The following SYT7 variants were observed in gnomAD, a reference collection of about 807,000 sequenced individuals.
SYT7 encodes the protein synaptotagmin-7.
Under a neutral mutation model 75.1 loss-of-function variants are expected in SYT7, and 29 were observed. The ratio of observed to expected loss-of-function variants is 0.39; its 90% CI spans 0.29 to 0.53. The LOEUF (loss-of-function observed/expected upper bound fraction) is 0.53, where lower values mean the gene tolerates loss of function less well. Among genes scored for constraint, SYT7 ranks in the 20% least tolerant of loss-of-function variants. SYT7 has a pLI of 0.77. For missense variants in SYT7, 693 were observed against 953.2 expected, an observed-to-expected ratio of 0.73 and a Z score of 3.59; for synonymous variants, 376 against 401.7, an observed-to-expected ratio of 0.94 and a Z score of 0.76.
In SYT7 at chr11:61,524,600, A is replaced by C; in HGVS notation, c.1472-68T>G. 6.7e-7 allele frequency: 1 copy of C among 1,490,324 alleles called. No individual in the cohort carries two copies. Among genetic ancestry groups the C allele is most frequent in the Non-Finnish European group, 9.0e-7 (1 of 1,110,234 alleles). 92.3% of individuals were successfully genotyped at this position (1,490,324 alleles called of 1,614,324 possible). On this transcript the variant is annotated intron_variant, in intron 9 of 12. Transcript: ENST00000539008. The surrounding 1 kb of genome is among the most constrained non-coding windows in gnomAD (Gnocchi z 4.1). ...GCTGCACGGGGCCCGGGAGGCAAGG[A>C]AGGCCCTGGGAAGAGGAGGCAGGCC...
At chr11:61,558,487 CACACACACACACACACAT>C (rs909651471) in intron 1 of SYT7, among the ~76,000 whole-genome samples, 5 of 139,864 alleles carry the variant, frequency 3.6e-5, no homozygotes, top group South Asian at 2.3e-4. Flanking sequence ...TATATATATA[CACACACACACACACACAT>C]ACACACACAC....
At chr11:61,538,085 G>A (rs1298618243) in intron 7 of SYT7, 59 bp downstream of exon 7, 59 of 1,527,688 alleles carry the variant, frequency 3.9e-5, no homozygotes, top group East Asian at 1.5e-4. Flanking sequence ...CGAGGCAGGC[G>A]GCCTCTCCGC....
chr11:61,550,456 G>A (rs1434308439), intron 3 of SYT7, among the ~76,000 whole-genome samples: 1 of 152,156 alleles, frequency 6.6e-6, no homozygotes, highest in African/African-American at 2.4e-5. Flanking sequence ...GGGGGAGGGT[G>A]GCTGGGCCTT....
chr11:61,543,047 C>T (rs1238005545), intron 5 of SYT7, among the ~76,000 whole-genome samples: 1 of 152,180 alleles, frequency 6.6e-6, no homozygotes, highest in Non-Finnish European at 1.5e-5. Context: ...TACTGGCATC[C>T]TTTGGAGACA....
Position 61,518,476 on chromosome 11 carries a change from G to A in SYT7, c.*151C>T, listed in dbSNP as rs1459684272. On this transcript the variant is annotated 3_prime_UTR_variant, in exon 13 of 13. Coordinates refer to ENST00000539008, the MANE Select transcript of SYT7 (RefSeq NM_001365809.2). The stretch of plus-strand genomic sequence containing the variant: ...GGGGCTGGTACTTCCTAGAAACGGG[G>A]CCCAGTTGAGTCCTGGGACCCCTCC... 2 of 502,286 alleles carry A rather than the reference G, an allele frequency of 4.0e-6. No homozygotes were observed. The highest frequency in any genetic ancestry group is 6.7e-5 in the South Asian group (2 of 29,832). 31.1% of individuals were successfully genotyped at this position (502,286 alleles called of 1,614,324 possible).
chr11:61,531,460 G>C (rs192017412), intron 8 of SYT7, among the ~76,000 whole-genome samples: 1,908 of 152,236 alleles, frequency 0.013, 36 homozygotes, highest in Non-Finnish European at 0.014. Flanking sequence ...GTCTTCCTGG[G>C]GGGGGGAAGA....
intron 1 of SYT7, among the ~76,000 whole-genome samples, chr11:61,570,133 G>C (rs987171524): frequency 1.3e-5 from 2 of 152,264 alleles, no homozygotes; most frequent in Non-Finnish European, 2.9e-5. Flanking sequence ...AGAGGAAACA[G>C]TGCCTGTCCA....
rs539423095 is a variant in SYT7, at chr11:61,567,331, A to G, written c.32-11124T>C. 1.0e-4 allele frequency among the ~76,000 whole-genome samples: 15 copies of G among 145,168 alleles called. No homozygotes were observed. The East Asian group carries it at 2.9e-3, about 28-fold the overall frequency. On this transcript the variant is annotated intron_variant, in intron 1 of 12. Transcript: ENST00000539008. ...ACACGGCAAATATTAGGATGGAGCC[A>G]TTGAGCGCCCCGCCCCCCAGAGCTG...
Position 61,546,277 on chromosome 11 carries a change from C to G in SYT7, c.348-22G>C, listed in dbSNP as rs2063186077. On this transcript the variant is annotated intron_variant, in intron 4 of 12. Transcript: ENST00000539008. This position sits in a 1 kb window ranked among gnomAD's most constrained non-coding sequence, Gnocchi z 7.6. ...GCCACTGGAGGCATGCACGAGGCAG[C>G]CAGGCCAGAGGGGCACCGGGGGTGG... is the stretch of plus-strand genomic sequence containing the variant. 7.1e-7 allele frequency: 1 copy of G among 1,417,600 alleles called. No homozygotes were observed. The highest frequency in any genetic ancestry group is 3.0e-5 in the Admixed American group (1 of 32,876). 87.8% of individuals were successfully genotyped at this position (1,417,600 alleles called of 1,614,324 possible).
rs2062116315 is a variant in SYT7 at position 61,515,072 on chromosome 11, G to A, written c.*3555C>T. Among the ~76,000 whole-genome samples, 1 of 152,262 alleles carries A rather than the reference G, an allele frequency of 6.6e-6. No homozygotes were observed. The highest frequency in any genetic ancestry group is 1.5e-5 in the Non-Finnish European group (1 of 68,056). ...CTACTCCCAAAAAGCCTTGTGTCAGGCCTGATCTGGGAGATGTAGCTGCCT... is the reference window on the plus strand; with the variant it reads ...CTACTCCCAAAAAGCCTTGTGTCAGACCTGATCTGGGAGATGTAGCTGCCT... On this transcript the variant is annotated 3_prime_UTR_variant, in exon 13 of 13. Coordinates refer to ENST00000539008, the MANE Select transcript of SYT7 (RefSeq NM_001365809.2).
chr11:61,552,241 C>T (rs763306222), intron 2 of SYT7, among the ~76,000 whole-genome samples: 9 of 152,142 alleles, frequency 5.9e-5, no homozygotes, highest in Non-Finnish European at 1.2e-4. Context: ...TTCACCTTCT[C>T]AGTTTGGGTT....
rs560258237 is a variant in SYT7, at chr11:61,562,813, C to T, written c.32-6606G>A. On this transcript the variant is annotated intron_variant, in intron 1 of 12. Coordinates refer to ENST00000539008, the MANE Select transcript of SYT7 (RefSeq NM_001365809.2). ...TCAGGTGTGAACTGCCGACCCAATC[C>T]GGTCCCTTACCAGGGCTCAGCCCCG... Among the ~76,000 whole-genome samples the T allele has an allele frequency of 6.6e-5, 10 of 152,224 alleles. No individual in the cohort carries two copies. In the South Asian group the frequency reaches 8.3e-4, roughly 13 times the overall value.
At chr11:61,528,596 G>C (rs374325864) in intron 8 of SYT7, among the ~76,000 whole-genome samples, 1 of 152,104 alleles carries the variant, frequency 6.6e-6, no homozygotes, top group Non-Finnish European at 1.5e-5. Flanking sequence ...GGGAGGCACC[G>C]ACACAAACCT....
Position 61,542,319 on chromosome 11 carries a change from G to A in SYT7, c.833C>T (p.Ala278Val). ...CCCTGCCGCCCGGTACTTGGAGCCG[G>A]CCGAGGTGCCCTGCCGAGCCTGGCC... is the stretch of plus-strand genomic sequence containing the variant. ...GRGQARQGTS[A>V]GSKYRAAGGR... The change falls in exon 6 of 13, where the codon GCC becomes GTC. Residue 278 changes from alanine (A) to valine (V), a missense_variant. Around this residue, in one of 2 missense-constraint regions of SYT7, gnomAD observed 487 missense variants for 593.2 expected, o/e 0.82. Coordinates refer to ENST00000539008, the MANE Select transcript of SYT7 (RefSeq NM_001365809.2). This position sits in a 1 kb window ranked among gnomAD's most constrained non-coding sequence, Gnocchi z 7.8. The A allele has an allele frequency of 6.5e-7, 1 of 1,532,714 alleles. No individual in the cohort carries two copies. The highest frequency in any genetic ancestry group is 1.2e-5 in the South Asian group (1 of 83,858). The allele number at this position is 1,532,714 out of a possible 1,614,324, so 94.9% of individuals were successfully genotyped here.
chr11:61,584,212 ACTCCAT>A (rs2064337450), upstream of SYT7, among the ~76,000 whole-genome samples: 1 of 151,546 alleles, frequency 6.6e-6, no homozygotes, highest in Admixed American at 6.6e-5. Context: ...ACATGGTGAA[ACTCCAT>A]CTCTACTAAA....
chr11:61,525,474 G>A lies in SYT7; in HGVS notation c.1472-942C>T, dbSNP rs991464292. Among the ~76,000 whole-genome samples, 4 of 152,120 alleles carry A rather than the reference G, an allele frequency of 2.6e-5. No homozygotes were observed. In the East Asian group the frequency reaches 5.8e-4, roughly 22 times the overall value. On this transcript the variant is annotated intron_variant, in intron 9 of 12. Transcript: ENST00000539008. ...GACTCCTCCCGCCTCAGGGCCGGGCGCACACTGGCCCCATCATGACCCCCC... is the reference window on the plus strand; with the variant it reads ...GACTCCTCCCGCCTCAGGGCCGGGCACACACTGGCCCCATCATGACCCCCC...
At chr11:61,532,940 G>A (rs2062754017) in intron 8 of SYT7, 49 bp downstream of exon 8, 1 of 1,603,886 alleles carries the variant, frequency 6.2e-7, no homozygotes, top group Non-Finnish European at 8.5e-7. Context: ...TCCTGCCCCT[G>A]GCCTCCCAGC....
chr11:61,532,395 G>C (rs1412647853), intron 8 of SYT7, among the ~76,000 whole-genome samples: 2 of 152,160 alleles, frequency 1.3e-5, no homozygotes, highest in East Asian at 3.9e-4. Context: ...CCTAGAACTA[G>C]GATCCCACAG....
At position 61,580,847 on chromosome 11, in the gene SYT7, G is replaced by C. The variant is rs2064243425; in HGVS notation, c.-27C>G. 2 of 1,236,402 alleles carry C rather than the reference G, an allele frequency of 1.6e-6. No homozygotes were observed. The highest frequency in any genetic ancestry group is 2.0e-6 in the Non-Finnish European group (2 of 988,044). 76.6% of individuals were successfully genotyped at this position (1,236,402 alleles called of 1,614,324 possible). ...GTCCCCTCGTCGCCGGTTCCCTCCGGGCTCCTCAGAGCCGCCCGCGGCCGC... is the reference window on the plus strand; with the variant it reads ...GTCCCCTCGTCGCCGGTTCCCTCCGCGCTCCTCAGAGCCGCCCGCGGCCGC... On this transcript the variant is annotated 5_prime_UTR_variant, in exon 1 of 13. Transcript: ENST00000539008. The surrounding 1 kb of genome is among the most constrained non-coding windows in gnomAD (Gnocchi z 6.1).
Sources: gnomAD v4.1 joint callset for allele counts (sites outside exome capture counted in the v4.1 genomes callset) on GRCh38, gnomAD v4.1.1 for gene constraint, gnomAD v4.1.1 regional missense constraint, Gnocchi (gnomAD v3.1) non-coding constraint, MANE v1.5 for transcripts, NCBI Gene and HGNC (gene_info 2026-07-23, HGNC 2026-07-21) for gene names.